Variants in KIF5B observed in about 807,000 individuals in gnomAD.
KIF5B encodes kinesin-1 heavy chain.
A neutral mutation model predicts 132.8 loss-of-function variants in KIF5B; 49 were observed. That is an observed-to-expected ratio of 0.37 (90% CI 0.29 to 0.47). The LOEUF (loss-of-function observed/expected upper bound fraction) is 0.47, where lower values mean the gene tolerates loss of function less well. Among genes scored for constraint, KIF5B ranks in the 20% least tolerant of loss-of-function variants. The probability of loss-of-function intolerance (pLI) is 1.00; values close to 1 mark genes in which losing one functional copy is unlikely to be tolerated. For missense variants in KIF5B, 780 were observed against 1,144.0 expected (o/e 0.68, Z 4.59); for synonymous variants, 355 against 369.4 (o/e 0.96, Z 0.45).
chr10:32,012,497 C>T (rs541293514), intron 25 of KIF5B, among the ~76,000 whole-genome samples: 1 of 152,330 alleles, frequency 6.6e-6, no homozygotes, highest in African/African-American at 2.4e-5. Context: ...GAATCATATA[C>T]TCCCCAATCA....
At chr10:32,018,280 T>G in intron 22 of KIF5B, 36 bp downstream of exon 22, 1 of 1,482,532 alleles carries the variant, frequency 6.7e-7, no homozygotes, top group Non-Finnish European at 9.0e-7. Flanking sequence ...GTAAGCACCA[T>G]TTATGCAAAC....
chr10:32,024,053 A>T, intron 15 of KIF5B, among the ~76,000 whole-genome samples: 1 of 78,482 alleles, frequency 1.3e-5, no homozygotes, highest in African/African-American at 4.3e-5. Flanking sequence ...GTTGAGAGTA[A>T]AAAAAAAAAA....
Position 32,056,197 on chromosome 10 carries a change from C to T in KIF5B, c.-224G>A, listed in dbSNP as rs1258589134. The T allele has an allele frequency of 3.8e-6, 2 of 523,952 alleles. No individual in the cohort carries two copies. The highest frequency in any genetic ancestry group is 4.0e-5 in the Admixed American group (1 of 24,880). 32.5% of individuals were successfully genotyped at this position (523,952 alleles called of 1,614,324 possible). ...GCTCACTTCCGATCCATCATGGCAG[C>T]CATGGCGGCGGCAGCGGCGGCGGCA... is the stretch of plus-strand genomic sequence containing the variant. On this transcript the variant is annotated 5_prime_UTR_variant, in exon 1 of 26. Transcript: ENST00000302418.
chr10:32,040,858 C>T (rs1311273125), intron 2 of KIF5B, among the ~76,000 whole-genome samples: 2 of 151,532 alleles, frequency 1.3e-5, no homozygotes, highest in African/African-American at 4.9e-5. Context: ...CTTGGTGGCG[C>T]GTGCCTGTAG....
chr10:32,053,053 A>C (rs1215818579), intron 1 of KIF5B, among the ~76,000 whole-genome samples: 5 of 152,228 alleles, frequency 3.3e-5, no homozygotes, highest in Admixed American at 2.6e-4. Context: ...ATTTTGATCT[A>C]AATAGAAGAT....
chr10:32,016,617 T>C (rs138038913), intron 24 of KIF5B, among the ~76,000 whole-genome samples: 4 of 152,200 alleles, frequency 2.6e-5, no homozygotes, highest in Non-Finnish European at 4.4e-5. Context: ...TCTCGGCTCA[T>C]TGCAATCTCC....
intron 20 of KIF5B, among the ~76,000 whole-genome samples, chr10:32,018,782 C>G (rs1475385301): frequency 6.6e-6 from 1 of 151,922 alleles, no homozygotes; most frequent in Non-Finnish European, 1.5e-5. Flanking sequence ...TCACTGCAAC[C>G]TCAACCTCCT....
chr10:32,053,978 AG>A (rs1841723572), intron 1 of KIF5B, among the ~76,000 whole-genome samples: 1 of 152,154 alleles, frequency 6.6e-6, no homozygotes, highest in African/African-American at 2.4e-5. Flanking sequence ...CTTTCTTCAT[AG>A]TTCATGTCGT....
chr10:32,056,100 G>C lies in KIF5B; in HGVS notation c.-127C>G. On this transcript the variant is annotated 5_prime_UTR_variant, in exon 1 of 26. Transcript: ENST00000302418. ...AGGCAGCAGTCAGCTGCGCCGCGCT[G>C]CGCTTCCCCGGGTGGAGGCGGCCGG... 2.4e-6 allele frequency: 3 copies of C among 1,229,290 alleles called. No homozygotes were observed. The highest frequency in any genetic ancestry group is 3.3e-6 in the Non-Finnish European group (3 of 904,196). The allele number at this position is 1,229,290 out of a possible 1,614,324, so 76.1% of individuals were successfully genotyped here.
At chr10:32,015,381 A>C (rs956451157) in intron 25 of KIF5B, 128 bp downstream of exon 25, 2 of 637,078 alleles carry the variant, frequency 3.1e-6, no homozygotes, top group African/African-American at 3.8e-5. Context: ...GATCAAACTA[A>C]ATTACTTTTA....
intron 14 of KIF5B, among the ~76,000 whole-genome samples, chr10:32,030,748 TTTAAA>T (rs1841393662): frequency 6.6e-6 from 1 of 152,208 alleles, no homozygotes; most frequent in Non-Finnish European, 1.5e-5. Context: ...AACTAGCAGC[TTTAAA>T]TTATTTTTCC....
At chr10:32,028,150 GAC>G (rs1318912476) in intron 15 of KIF5B, among the ~76,000 whole-genome samples, 1 of 152,044 alleles carries the variant, frequency 6.6e-6, no homozygotes, top group Non-Finnish European at 1.5e-5. Flanking sequence ...TTTTTGTAGA[GAC>G]AGGGTTTCGC....
chr10:32,021,968 G>A (rs573343459), intron 17 of KIF5B, among the ~76,000 whole-genome samples, 172 bp downstream of exon 17: 9 of 152,130 alleles, frequency 5.9e-5, no homozygotes, highest in South Asian at 4.2e-4. Flanking sequence ...TGAAGACGCC[G>A]TCTCAAAACA....
intron 1 of KIF5B, among the ~76,000 whole-genome samples, chr10:32,053,667 T>G (rs966999433): frequency 4.0e-5 from 6 of 151,158 alleles, no homozygotes; most frequent in Admixed American, 1.3e-4. Context: ...GAGGTTGCAG[T>G]GTGCCAAGAT....
At chr10:32,016,856 G>A (rs1320543540) in intron 24 of KIF5B, among the ~76,000 whole-genome samples, 1 of 152,186 alleles carries the variant, frequency 6.6e-6, no homozygotes, top group East Asian at 1.9e-4. Context: ...ATTCTTAAAC[G>A]TTAAATCATT....
At chr10:32,040,830 T>C (rs988709376) in intron 2 of KIF5B, among the ~76,000 whole-genome samples, 2 of 151,552 alleles carry the variant, frequency 1.3e-5, no homozygotes, top group African/African-American at 2.4e-5. Flanking sequence ...CTACTAAAAA[T>C]ACAAAAAATT....
Position 32,009,411 on chromosome 10 carries a change from AGAGT to A in KIF5B, c.*2122_*2125del, listed in dbSNP as rs1044436038. 2.0e-5 allele frequency: 3 copies of A among 152,248 alleles called. No homozygotes were observed. The highest frequency in any genetic ancestry group is 4.4e-5 in the Non-Finnish European group (3 of 68,046). The allele number at this position is 152,248 out of a possible 1,614,324, so 9.4% of individuals were successfully genotyped here. On this transcript the variant is annotated 3_prime_UTR_variant, in exon 26 of 26. Coordinates refer to ENST00000302418, the MANE Select transcript of KIF5B (RefSeq NM_004521.3). ...AGATGATCAGAAATTTTCATTTTTA[AGAGT>A]AAGTGCTGTGTTTAATGACCTACCA...
Position 32,018,467 on chromosome 10 carries a change from T to C in KIF5B, c.2367+35A>G, listed in dbSNP as rs745475767. 14 of 1,592,784 alleles carry C rather than the reference T, an allele frequency of 8.8e-6. No individual in the cohort carries two copies. In the Admixed American group the frequency reaches 2.6e-4, roughly 29 times the overall value. On this transcript the variant is annotated intron_variant, in intron 21 of 25. Coordinates refer to ENST00000302418, the MANE Select transcript of KIF5B (RefSeq NM_004521.3). Reference sequence around the variant, plus strand: ...CATGGTAGAAAAAACCCACAAAATATTTCCCAATCCTGTTTATTTTCATGT... The same window carrying C: ...CATGGTAGAAAAAACCCACAAAATACTTCCCAATCCTGTTTATTTTCATGT...
intron 3 of KIF5B, among the ~76,000 whole-genome samples, chr10:32,040,140 ATTTAT>A (rs1451895046): frequency 2.0e-5 from 3 of 152,230 alleles, no homozygotes; most frequent in African/African-American, 7.2e-5. Flanking sequence ...CTAAAATGTT[ATTTAT>A]TTTATGGTTA....
Sources: gnomAD v4.1 joint callset for allele counts (sites outside exome capture counted in the v4.1 genomes callset) on GRCh38, gnomAD v4.1.1 for gene constraint, MANE v1.5 for transcripts, NCBI Gene and HGNC (gene_info 2026-07-23, HGNC 2026-07-21) for gene names.